PTPRD: variants seen among roughly 807,000 people sequenced by gnomAD.
PTPRD encodes the protein receptor-type tyrosine-protein phosphatase delta.
PTPRD carries 34 observed loss-of-function variants against 214.5 expected under a neutral mutation model. The ratio of observed to expected loss-of-function variants is 0.16; its 90% CI spans 0.12 to 0.21. The LOEUF (loss-of-function observed/expected upper bound fraction) is 0.21, where lower values mean the gene tolerates loss of function less well. Among genes scored for constraint, PTPRD ranks in the 10% least tolerant of loss-of-function variants. The pLI is 1.00. For synonymous variants in PTPRD, 1,128 were observed against 845.7 expected (o/e 1.33, Z -5.79); for missense variants, 2,545 against 2,398.7 (o/e 1.06, Z -1.27).
intron 2 of PTPRD, among the ~76,000 whole-genome samples, chr9:10,571,336 T>C (rs2067366115): frequency 6.6e-6 from 1 of 152,230 alleles, no homozygotes; most frequent in South Asian, 2.1e-4. Flanking sequence ...ATTATACCTA[T>C]CTTTAGTATA....
intron 2 of PTPRD, among the ~76,000 whole-genome samples, chr9:10,541,336 G>A (rs2059060863): frequency 6.6e-6 from 1 of 152,016 alleles, no homozygotes; most frequent in African/African-American, 2.4e-5. Context: ...CCAATTGACG[G>A]AACTTATTTT....
chr9:9,513,373 T>C (rs2096755761), intron 8 of PTPRD, among the ~76,000 whole-genome samples: 1 of 152,050 alleles, frequency 6.6e-6, no homozygotes, highest in South Asian at 2.1e-4. Context: ...CTATGTGTTA[T>C]GACTTGACTA....
intron 9 of PTPRD, among the ~76,000 whole-genome samples, chr9:9,312,168 G>T (rs1186182222): frequency 6.6e-6 from 1 of 152,080 alleles, no homozygotes; most frequent in Non-Finnish European, 1.5e-5. Context: ...CCTAAAAATA[G>T]CTAACTGAGA....
intron 5 of PTPRD, among the ~76,000 whole-genome samples, chr9:9,925,402 T>G (rs186875386): frequency 6.6e-6 from 1 of 152,240 alleles, no homozygotes; most frequent in Non-Finnish European, 1.5e-5. Context: ...GACTGCTGAA[T>G]GTTTGGTATT....
chr9:8,862,767 C>T (rs905055870), intron 11 of PTPRD, among the ~76,000 whole-genome samples: 2 of 152,244 alleles, frequency 1.3e-5, no homozygotes, highest in Non-Finnish European at 2.9e-5. Context: ...AAGAAATCCA[C>T]ATCTTCATGG....
At chr9:9,083,664 G>C (rs950717818) in intron 10 of PTPRD, among the ~76,000 whole-genome samples, 2 of 151,974 alleles carry the variant, frequency 1.3e-5, no homozygotes, top group African/African-American at 4.8e-5. Context: ...CTGACAAAGG[G>C]CTAATATCCA....
chr9:9,830,292 G>A (rs1235803011), intron 5 of PTPRD, among the ~76,000 whole-genome samples: 1 of 151,422 alleles, frequency 6.6e-6, no homozygotes, highest in East Asian at 1.9e-4. Context: ...TTATCTTCAT[G>A]GCCACATCCC....
At chr9:8,782,194 A>T (rs991179825) in intron 11 of PTPRD, among the ~76,000 whole-genome samples, 1 of 150,666 alleles carries the variant, frequency 6.6e-6, no homozygotes, top group Non-Finnish European at 1.5e-5. Flanking sequence ...ATGTGTACAT[A>T]TACAAAATAT....
At chr9:10,389,588 C>G (rs1428132388) in intron 2 of PTPRD, among the ~76,000 whole-genome samples, 2 of 151,648 alleles carry the variant, frequency 1.3e-5, no homozygotes, top group Non-Finnish European at 2.9e-5. Context: ...TTTGTGTAGT[C>G]TGCACTGTAT....
At chr9:9,495,857 T>C (rs2096158116) in intron 8 of PTPRD, among the ~76,000 whole-genome samples, 1 of 152,196 alleles carries the variant, frequency 6.6e-6, no homozygotes, top group South Asian at 2.1e-4. Flanking sequence ...ATGGGCCAAC[T>C]GAGCTGCTAA....
chr9:8,373,615 GTGTGTGTGTGT>G (rs2082193847), intron 39 of PTPRD, among the ~76,000 whole-genome samples: 16 of 31,348 alleles, frequency 5.1e-4, no homozygotes, highest in Non-Finnish European at 9.6e-4. Flanking sequence ...GGATGCGGGT[GTGTGTGTGTGT>G]GTGTGTGTGT....
At chr9:8,870,714 A>ACACACACACACACACACG (rs1555457922) in intron 11 of PTPRD, among the ~76,000 whole-genome samples, 6,233 of 149,952 alleles carry the variant, frequency 0.042, 223 homozygotes, top group East Asian at 0.14. Context: ...ACACACACAC[A>ACACACACACACACACACG]CACACACACA....
chr9:10,485,747 T>C lies in PTPRD; in HGVS notation c.-600+126651A>G, dbSNP rs559286227. Among the ~76,000 whole-genome samples, 6 of 151,916 alleles carry C rather than the reference T, an allele frequency of 3.9e-5. No homozygotes were observed. The South Asian group carries it at 8.3e-4, about 21-fold the overall frequency. ...TAATGAATTTGTTTATCAGTTCTAG[T>C]ATTTTTTTTGGTGGAATCTTTAGGT... is the stretch of plus-strand genomic sequence containing the variant. On this transcript the variant is annotated intron_variant, in intron 2 of 45. Coordinates refer to ENST00000381196, the MANE Select transcript of PTPRD (RefSeq NM_002839.4).
intron 7 of PTPRD, among the ~76,000 whole-genome samples, chr9:9,629,099 G>A (rs537405996): frequency 4.6e-5 from 7 of 151,682 alleles, no homozygotes; most frequent in South Asian, 4.2e-4. Flanking sequence ...ACTTGAACCC[G>A]GGAGGCGGAG....
intron 9 of PTPRD, among the ~76,000 whole-genome samples, chr9:9,242,361 C>T (rs1253400717): frequency 6.6e-6 from 1 of 152,190 alleles, no homozygotes; most frequent in South Asian, 2.1e-4. Flanking sequence ...TTGTGGCATT[C>T]TCTGTATTTC....
intron 9 of PTPRD, among the ~76,000 whole-genome samples, chr9:9,241,103 G>A (rs927769077): frequency 6.6e-6 from 1 of 152,070 alleles, no homozygotes; most frequent in Non-Finnish European, 1.5e-5. Context: ...AACAGAGTAA[G>A]AATTAATTCG....
chr9:10,167,971 C>T (rs532024438), intron 3 of PTPRD, among the ~76,000 whole-genome samples: 1 of 152,296 alleles, frequency 6.6e-6, no homozygotes, highest in African/African-American at 2.4e-5. Flanking sequence ...TCAATCTGAA[C>T]TGTATGGACA....
intron 15 of PTPRD, chr9:8,528,350 A>G (rs2074764372): frequency 3.6e-6 from 2 of 556,660 alleles, no homozygotes; most frequent in East Asian, 3.0e-5. Context: ...ATACAGTCAC[A>G]GCAGTGAGCA....
chr9:9,846,790 G>A (rs1409999662), intron 5 of PTPRD, among the ~76,000 whole-genome samples: 3 of 152,092 alleles, frequency 2.0e-5, no homozygotes, highest in Non-Finnish European at 4.4e-5. Flanking sequence ...AACATTGAGA[G>A]CTGGAGGAAG....
Sources: allele counts gnomAD v4.1 joint callset (sites outside exome capture counted in the v4.1 genomes callset), GRCh38; gene constraint gnomAD v4.1.1; transcripts MANE v1.5; gene names NCBI Gene and HGNC (gene_info 2026-07-23, HGNC 2026-07-21).